The following SSPN variants were observed in gnomAD, a reference collection of about 807,000 sequenced individuals.
SSPN encodes the protein K-ras oncogene-associated protein.
SSPN carries 15 observed loss-of-function variants against 19.1 expected under a neutral mutation model. That is an observed-to-expected ratio of 0.78 (90% CI 0.52 to 1.21). The LOEUF (loss-of-function observed/expected upper bound fraction) is 1.21. SSPN is among the 50% of genes most tolerant of loss of function. SSPN has a pLI of 0.00. For missense variants in SSPN, 291 were observed against 314.0 expected, an observed-to-expected ratio of 0.93 and a Z score of 0.55; for synonymous variants, 147 against 140.3, an observed-to-expected ratio of 1.05 and a Z score of -0.34.
At chr12:26,207,597 GATGGTATC>G (rs757123490) in intron 1 of SSPN, among the ~76,000 whole-genome samples, 23 of 152,218 alleles carry the variant, frequency 1.5e-4, no homozygotes, top group Non-Finnish European at 2.4e-4. Context: ...TTTTTATACA[GATGGTATC>G]ATATCATTTC....
chr12:26,195,243 A>T, upstream of SSPN: 2 of 161,618 alleles, frequency 1.2e-5, no homozygotes, highest in Non-Finnish European at 2.7e-5. Flanking sequence ...TTAAGCTCAA[A>T]CGATTTCAAC....
At position 26,122,788 on chromosome 12, in the gene SSPN, C is replaced by T. The variant is rs767558663; in HGVS notation, c.-31+636C>T. Reference sequence around the variant, plus strand: ...TCCGGCCGGGCCTCGGCTTCGCCGCCGTAGCCGCTGTCGGTGTCCGTGTCG... The same window carrying T: ...TCCGGCCGGGCCTCGGCTTCGCCGCTGTAGCCGCTGTCGGTGTCCGTGTCG... On this transcript the variant is annotated intron_variant, in intron 1 of 2. Transcript: ENST00000538142. 9 of 1,590,268 alleles carry T rather than the reference C, an allele frequency of 5.7e-6. No homozygotes were observed. Among genetic ancestry groups the T allele is most frequent in the South Asian group, 1.1e-5 (1 of 88,384 alleles).
At chr12:26,149,143 T>C (rs907004918) in intron 1 of SSPN, among the ~76,000 whole-genome samples, 12 of 152,222 alleles carry the variant, frequency 7.9e-5, no homozygotes, top group African/African-American at 2.9e-4. Context: ...ATGCAATAGA[T>C]TTGATGAAGT....
chr12:26,194,824 G>T (rs1448785719), upstream of SSPN, among the ~76,000 whole-genome samples: 4 of 152,056 alleles, frequency 2.6e-5, no homozygotes, highest in East Asian at 5.8e-4. Flanking sequence ...CCATCTCTAT[G>T]AAAAAAATTT....
chr12:26,208,021 G>A (rs111909373), intron 1 of SSPN, among the ~76,000 whole-genome samples: 6 of 95,064 alleles, frequency 6.3e-5, no homozygotes, highest in Admixed American at 9.3e-5. Context: ...GTGGTGGTGG[G>A]GGGGGGGGAT....
At chr12:26,202,294 T>A (rs1944893853) in intron 1 of SSPN, among the ~76,000 whole-genome samples, 1 of 152,208 alleles carries the variant, frequency 6.6e-6, no homozygotes, top group Admixed American at 6.5e-5. Context: ...TGTAGTTGTA[T>A]ATTCAAACAC....
rs1409268767 is a variant in SSPN, at chr12:26,234,262, C to T, written c.*3186C>T. On this transcript the variant is annotated 3_prime_UTR_variant, in exon 3 of 3. Transcript: ENST00000242729. ...CAAAGGTAGAGTGGTTATTTAAAGA[C>T]AATCAGAAATGAACTTAAAAGCTGC... The T allele has an allele frequency of 6.6e-6, 1 of 152,186 alleles. No individual in the cohort carries two copies. The highest frequency in any genetic ancestry group is 2.4e-5 in the African/African-American group (1 of 41,440). The allele number at this position is 152,186 out of a possible 1,614,324, so 9.4% of individuals were successfully genotyped here.
At chr12:26,182,271 G>A (rs1026480518) in intron 1 of SSPN, among the ~76,000 whole-genome samples, 3 of 152,178 alleles carry the variant, frequency 2.0e-5, no homozygotes, top group Non-Finnish European at 2.9e-5. Flanking sequence ...ACTATGGGGA[G>A]TGGATAACAG....
rs10547333 is a variant in SSPN, at chr12:26,233,331, G to GATATATAT, written c.*2267_*2274dup. 10 of 144,692 alleles carry GATATATAT rather than the reference G, an allele frequency of 6.9e-5. No individual in the cohort carries two copies. Among genetic ancestry groups the GATATATAT allele is most frequent in the South Asian group, 2.1e-4 (1 of 4,684 alleles). The allele number at this position is 144,692 out of a possible 1,614,324, so 9.0% of individuals were successfully genotyped here. A position where few individuals can be genotyped will look rare whatever the true frequency, so the allele number is the denominator to read the frequency against. ...CTTTATAATAGTATAACCGTCAGGAGATATATATATATATATATACACATA... is the reference window on the plus strand; with the variant it reads ...CTTTATAATAGTATAACCGTCAGGAGATATATATATATATATATATATATATACACATA... On this transcript the variant is annotated 3_prime_UTR_variant, in exon 3 of 3. Coordinates refer to ENST00000242729, the MANE Select transcript of SSPN (RefSeq NM_005086.5). This position sits in a 1 kb window ranked among gnomAD's most constrained non-coding sequence, Gnocchi z 4.3.
In SSPN at chr12:26,232,282, C is replaced by T; in HGVS notation, c.*1206C>T. ...GAAGTTCTTATTTGAGCAATATGGC[C>T]TTGACTTGGAGGGTAGTTTTAGTTG... On this transcript the variant is annotated 3_prime_UTR_variant, in exon 3 of 3. Transcript: ENST00000242729. 1.0e-6 allele frequency: 1 copy of T among 985,368 alleles called. No homozygotes were observed. Among genetic ancestry groups the T allele is most frequent in the Non-Finnish European group, 1.2e-6 (1 of 829,914 alleles). The allele number at this position is 985,368 out of a possible 1,614,324, so 61.0% of individuals were successfully genotyped here.
chr12:26,161,333 A>G (rs1434139920), intron 1 of SSPN, among the ~76,000 whole-genome samples: 1 of 151,688 alleles, frequency 6.6e-6, no homozygotes, highest in Non-Finnish European at 1.5e-5. Context: ...TCTTGAACCC[A>G]CCAGGTACCT....
At chr12:26,130,678 T>C (rs1308233414) in intron 1 of SSPN, among the ~76,000 whole-genome samples, 1 of 152,150 alleles carries the variant, frequency 6.6e-6, no homozygotes, top group African/African-American at 2.4e-5. Flanking sequence ...GCAACTGAAA[T>C]TAGGAAGTTC....
At chr12:26,122,949 C>A (rs748033209) in intron 1 of SSPN, 2 of 1,556,402 alleles carry the variant, frequency 1.3e-6, no homozygotes, top group African/African-American at 2.7e-5. Flanking sequence ...AGCGCCGGTG[C>A]CTTTGCTCAG....
chr12:26,192,107 A>G (rs992092846), upstream of SSPN, among the ~76,000 whole-genome samples: 7 of 152,218 alleles, frequency 4.6e-5, no homozygotes, highest in African/African-American at 1.7e-4. Flanking sequence ...ATACTTCAAA[A>G]TAATGTTAAG....
intron 1 of SSPN, among the ~76,000 whole-genome samples, chr12:26,178,998 G>C (rs926838547): frequency 2.0e-5 from 3 of 152,132 alleles, no homozygotes; most frequent in African/African-American, 7.2e-5. Flanking sequence ...GTGTAGGAGG[G>C]AACATAATAT....
chr12:26,122,303 G>GGCA, intron 1 of SSPN: 1 of 1,163,986 alleles, frequency 8.6e-7, no homozygotes, highest in Non-Finnish European at 1.1e-6. Flanking sequence ...CGGCGGCAGC[G>GGCA]GCGGCGGCGG....
chr12:26,218,575 A>G (rs1204665342), intron 1 of SSPN, among the ~76,000 whole-genome samples: 1 of 151,860 alleles, frequency 6.6e-6, no homozygotes. Context: ...ATATTTACCC[A>G]CCTTTTCAAG....
intron 1 of SSPN, among the ~76,000 whole-genome samples, chr12:26,221,842 ACC>A (rs1945125279): frequency 6.6e-6 from 1 of 152,152 alleles, no homozygotes; most frequent in South Asian, 2.1e-4. Flanking sequence ...AGGATTACAA[ACC>A]TCAATCTGGT....
chr12:26,153,539 C>G (rs1944538200), intron 1 of SSPN, among the ~76,000 whole-genome samples: 1 of 152,152 alleles, frequency 6.6e-6, no homozygotes, highest in Non-Finnish European at 1.5e-5. Context: ...ACACTAAGTA[C>G]TTAAATATTT....
Sources: gnomAD v4.1 joint callset for allele counts (sites outside exome capture counted in the v4.1 genomes callset) on GRCh38, gnomAD v4.1.1 for gene constraint, Gnocchi (gnomAD v3.1) non-coding constraint, MANE v1.5 for transcripts, NCBI Gene and HGNC (gene_info 2026-07-23, HGNC 2026-07-21) for gene names.